COL25A1: variants seen among roughly 807,000 people sequenced by gnomAD.
The protein encoded by COL25A1 is collagen type XXV alpha 1 chain.
A neutral mutation model predicts 128.4 loss-of-function variants in COL25A1; 103 were observed. The ratio of observed to expected loss-of-function variants is 0.80; its 90% CI spans 0.68 to 0.94. The LOEUF (loss-of-function observed/expected upper bound fraction) is 0.94, where lower values mean the gene tolerates loss of function less well. Among genes scored for constraint, COL25A1 ranks in the 40% least tolerant of loss-of-function variants. The pLI is 0.00. For missense variants in COL25A1, 745 were observed against 840.0 expected (o/e 0.89, Z 1.40); for synonymous variants, 279 against 277.2 (o/e 1.01, Z -0.06).
chr4:109,270,292 A>G (rs1390503505), intron 3 of COL25A1, among the ~76,000 whole-genome samples: 1 of 152,212 alleles, frequency 6.6e-6, no homozygotes, highest in East Asian at 1.9e-4. Context: ...CCCTGTTTGC[A>G]GATGACATGA....
chr4:109,097,258 A>G (rs1487804181), intron 3 of COL25A1, among the ~76,000 whole-genome samples: 2 of 152,122 alleles, frequency 1.3e-5, no homozygotes, highest in Non-Finnish European at 2.9e-5. Flanking sequence ...GTTCAAAACA[A>G]TGGCCTCTCA....
At chr4:108,882,750 G>A (rs929432585) in intron 19 of COL25A1, among the ~76,000 whole-genome samples, 2 of 151,982 alleles carry the variant, frequency 1.3e-5, no homozygotes, top group Non-Finnish European at 2.9e-5. Flanking sequence ...AGAAGCCAAA[G>A]ACTAAAAATC....
intron 31 of COL25A1, 168 bp from the exon 32 acceptor site, chr4:108,832,601 ACTCATGC>A: frequency 5.4e-6 from 3 of 559,212 alleles, no homozygotes; most frequent in Non-Finnish European, 9.5e-6. Context: ...TTTTCAAGAA[ACTCATGC>A]AAAAAGGATG....
chr4:109,296,465 A>G (rs1014346022), intron 3 of COL25A1, among the ~76,000 whole-genome samples: 1 of 152,054 alleles, frequency 6.6e-6, no homozygotes, highest in African/African-American at 2.4e-5. Flanking sequence ...CCTCATCAAA[A>G]TGTAAGCTTC....
intron 6 of COL25A1, among the ~76,000 whole-genome samples, chr4:108,983,524 A>C (rs1753253755): frequency 6.6e-6 from 1 of 152,184 alleles, no homozygotes; most frequent in South Asian, 2.1e-4. Flanking sequence ...TCTTTGCTTC[A>C]TTTGCAGTAG....
intron 5 of COL25A1, among the ~76,000 whole-genome samples, chr4:109,022,381 AT>A (rs113801425): frequency 0.15 from 22,197 of 152,174 alleles, 2,360 homozygotes; most frequent in African/African-American, 0.3. Flanking sequence ...AATCATCAGC[AT>A]TGGTTAAATC....
At chr4:109,203,796 C>T (rs1464176556) in intron 3 of COL25A1, among the ~76,000 whole-genome samples, 4 of 151,720 alleles carry the variant, frequency 2.6e-5, no homozygotes, top group Admixed American at 6.6e-5. Context: ...CCAATTGTGA[C>T]AAATTTCCAC....
intron 3 of COL25A1, among the ~76,000 whole-genome samples, chr4:109,117,112 GA>G (rs1329701648): frequency 2.6e-5 from 4 of 151,894 alleles, no homozygotes; most frequent in Non-Finnish European, 2.9e-5. Context: ...TGATGACTGA[GA>G]ATTTTCCAAA....
chr4:108,838,018 C>T (rs1326568941), intron 31 of COL25A1: 2 of 953,490 alleles, frequency 2.1e-6, no homozygotes, highest in Admixed American at 2.0e-5. Context: ...GTACGAGCTG[C>T]TGAGTAAACC....
chr4:108,903,062 A>T (rs534795010), intron 13 of COL25A1, among the ~76,000 whole-genome samples: 72 of 151,440 alleles, frequency 4.8e-4, no homozygotes, highest in East Asian at 3.1e-3. Flanking sequence ...AGAGTTTTTT[A>T]AAAAATAAAT....
At position 108,852,300 on chromosome 4, in the gene COL25A1, A is replaced by G. The variant is rs1487245610; in HGVS notation, c.1345-20T>C. On this transcript the variant is annotated intron_variant, in intron 25 of 37. Transcript: ENST00000399132. ...GGGACCCTAAATCAAGAAAAAGCAC[A>G]GTTTTTAAAAGTAGTAATTATATGT... 1 of 1,576,370 alleles carries G rather than the reference A, an allele frequency of 6.3e-7. No homozygotes were observed. The highest frequency in any genetic ancestry group is 2.3e-5 in the East Asian group (1 of 44,200).
intron 5 of COL25A1, among the ~76,000 whole-genome samples, chr4:109,012,485 G>A (rs1383727396): frequency 1.3e-5 from 2 of 152,198 alleles, no homozygotes; most frequent in Admixed American, 1.3e-4. Flanking sequence ...GAGAGGCGCG[G>A]GCAGGAACTT....
chr4:108,843,884 T>C (rs1283943247), intron 30 of COL25A1, among the ~76,000 whole-genome samples: 1 of 103,612 alleles, frequency 9.7e-6, no homozygotes, highest in African/African-American at 3.5e-5. Flanking sequence ...TAATGGCTAT[T>C]ATTACTATTA....
intron 3 of COL25A1, among the ~76,000 whole-genome samples, chr4:109,146,315 A>T (rs1770942354): frequency 6.6e-6 from 1 of 152,190 alleles, no homozygotes; most frequent in African/African-American, 2.4e-5. Context: ...TCTTATTTGC[A>T]ATTTCCACTT....
At chr4:109,249,644 A>G (rs2074221624) in intron 3 of COL25A1, among the ~76,000 whole-genome samples, 2 of 152,206 alleles carry the variant, frequency 1.3e-5, no homozygotes, top group South Asian at 4.1e-4. Flanking sequence ...AGGATTTACT[A>G]AAAAGAAAAA....
At chr4:109,004,830 T>C (rs1382904797) in intron 6 of COL25A1, among the ~76,000 whole-genome samples, 3 of 152,224 alleles carry the variant, frequency 2.0e-5, no homozygotes, top group Admixed American at 6.5e-5. Flanking sequence ...ATATCTCTTC[T>C]GTTTATAAAT....
chr4:108,855,624 A>G (rs1736399574), intron 24 of COL25A1, among the ~76,000 whole-genome samples: 1 of 152,112 alleles, frequency 6.6e-6, no homozygotes, highest in Non-Finnish European at 1.5e-5. Context: ...ATTTTTTTAA[A>G]TTTAAAGATA....
intron 3 of COL25A1, among the ~76,000 whole-genome samples, chr4:109,054,991 C>T (rs1256064315): frequency 6.6e-6 from 1 of 152,184 alleles, no homozygotes; most frequent in Non-Finnish European, 1.5e-5. Context: ...ACCAACCTCC[C>T]CCATCCTCCA....
Position 108,813,810 on chromosome 4 carries a change from G to C in COL25A1, c.*117C>G, listed in dbSNP as rs899860278. Reference sequence around the variant, plus strand: ...ACATGTATACTACTGCCAGCAGGAAGAAGCAGCCCTATGTAAACATATCTC... The same window carrying C: ...ACATGTATACTACTGCCAGCAGGAACAAGCAGCCCTATGTAAACATATCTC... On this transcript the variant is annotated 3_prime_UTR_variant, in exon 38 of 38. Transcript: ENST00000399132. 1.4e-5 allele frequency: 11 copies of C among 783,104 alleles called. No homozygotes were observed. The highest frequency in any genetic ancestry group is 2.5e-5 in the Admixed American group (1 of 40,616). The allele number at this position is 783,104 out of a possible 1,614,324, so 48.5% of individuals were successfully genotyped here. A position where few individuals can be genotyped will look rare whatever the true frequency, so the allele number is the denominator to read the frequency against.
Sources: gnomAD v4.1 joint callset for allele counts (sites outside exome capture counted in the v4.1 genomes callset) on GRCh38, gnomAD v4.1.1 for gene constraint, MANE v1.5 for transcripts, NCBI Gene and HGNC (gene_info 2026-07-23, HGNC 2026-07-21) for gene names.